PRDM16: variants seen among roughly 807,000 people sequenced by gnomAD.
PRDM16 encodes the protein PR/SET domain 16.
PRDM16 carries 23 observed loss-of-function variants against 110.6 expected under a neutral mutation model. The observed-to-expected ratio is 0.21, with a 90% confidence interval of 0.15 to 0.29. The LOEUF is 0.29. PRDM16 is among the 10% of genes least tolerant of loss of function. The pLI, the probability that PRDM16 is intolerant of heterozygous loss-of-function variation, is 1.00. For missense variants in PRDM16, 1,615 were observed against 1,794.3 expected (o/e 0.90, Z 1.81); for synonymous variants, 799 against 781.8 (o/e 1.02, Z -0.37).
rs1642237162 is a variant in PRDM16 at position 3,339,879 on chromosome 1, A to G, written c.439-45273A>G. ...TGCTAGGGCAGCCCAGCTCAGTCCC[A>G]TAGGAAGATGCGGTTCTGTGCAGCA... On this transcript the variant is annotated intron_variant, in intron 3 of 16. Transcript: ENST00000270722. The surrounding 1 kb of genome is among the most constrained non-coding windows in gnomAD (Gnocchi z 5.0). 3.3e-5 allele frequency among the ~76,000 whole-genome samples: 5 copies of G among 152,234 alleles called. No homozygotes were observed. Among genetic ancestry groups the G allele is most frequent in the Non-Finnish European group, 1.5e-5 (1 of 68,038 alleles).
intron 2 of PRDM16, among the ~76,000 whole-genome samples, chr1:3,222,891 G>A (rs1480508236): frequency 6.6e-6 from 1 of 152,176 alleles, no homozygotes; most frequent in Admixed American, 6.5e-5. Flanking sequence ...AAAGTGTGCA[G>A]TTTGCCCTCA....
At chr1:3,332,795 C>A (rs1642071572) in intron 3 of PRDM16, among the ~76,000 whole-genome samples, 1 of 152,074 alleles carries the variant, frequency 6.6e-6, no homozygotes, top group South Asian at 2.1e-4. Flanking sequence ...GCCCATCCCC[C>A]CAGGCCCTGG....
intron 3 of PRDM16, among the ~76,000 whole-genome samples, chr1:3,333,504 C>T (rs575545698): frequency 5.3e-5 from 8 of 152,302 alleles, no homozygotes; most frequent in Non-Finnish European, 1.0e-4. Context: ...GGAAAAGGGG[C>T]TTCAGACCTA....
chr1:3,120,840 C>G (rs965740863), intron 1 of PRDM16, among the ~76,000 whole-genome samples: 2 of 152,216 alleles, frequency 1.3e-5, no homozygotes, highest in African/African-American at 2.4e-5. Flanking sequence ...CAGAAAGAAC[C>G]ATTAGAAGCC....
rs1642678249 is a variant in PRDM16 at position 3,359,764 on chromosome 1, G to A, written c.439-25388G>A. 6.6e-6 allele frequency among the ~76,000 whole-genome samples: 1 copy of A among 152,196 alleles called. No homozygotes were observed. Among genetic ancestry groups the A allele is most frequent in the Admixed American group, 6.5e-5 (1 of 15,282 alleles). ...AACGCACTGGGTTGATCCCTCAGCGGCAGCCAGAAGGCAAGGCGGGAAAAA... is the reference window on the plus strand; with the variant it reads ...AACGCACTGGGTTGATCCCTCAGCGACAGCCAGAAGGCAAGGCGGGAAAAA... On this transcript the variant is annotated intron_variant, in intron 3 of 16. Coordinates refer to ENST00000270722, the MANE Select transcript of PRDM16 (RefSeq NM_022114.4). This position sits in a 1 kb window ranked among gnomAD's most constrained non-coding sequence, Gnocchi z 4.3.
intron 4 of PRDM16, among the ~76,000 whole-genome samples, chr1:3,393,295 C>T (rs991825669): frequency 2.0e-5 from 3 of 152,198 alleles, no homozygotes; most frequent in Non-Finnish European, 4.4e-5. Context: ...GTTCTTCTTC[C>T]TTTCCGGCGG....
intron 1 of PRDM16, among the ~76,000 whole-genome samples, chr1:3,128,584 G>A (rs1347625028): frequency 2.0e-5 from 3 of 152,166 alleles, no homozygotes; most frequent in East Asian, 3.9e-4. Flanking sequence ...ACTCTCACTC[G>A]GGAACCCAGA....
intron 1 of PRDM16, among the ~76,000 whole-genome samples, chr1:3,183,744 C>A (rs1236643262): frequency 6.6e-6 from 1 of 152,208 alleles, no homozygotes; most frequent in Non-Finnish European, 1.5e-5. Flanking sequence ...AGAATTCAAA[C>A]AGAAAAAAGC....
At chr1:3,085,519 G>A (rs1203226240) in intron 1 of PRDM16, among the ~76,000 whole-genome samples, 1 of 152,218 alleles carries the variant, frequency 6.6e-6, no homozygotes, top group East Asian at 1.9e-4. Flanking sequence ...GGCCAACTTG[G>A]ACTGAATCCT....
At chr1:3,083,183 C>T (rs1359943525) in intron 1 of PRDM16, among the ~76,000 whole-genome samples, 19 of 152,216 alleles carry the variant, frequency 1.2e-4, no homozygotes, top group Admixed American at 1.2e-3. Context: ...GATTAAACGT[C>T]TCGTCCGAGA....
chr1:3,219,758 C>G (rs1287038770), intron 2 of PRDM16, among the ~76,000 whole-genome samples: 1 of 152,202 alleles, frequency 6.6e-6, no homozygotes, highest in African/African-American at 2.4e-5. Context: ...TTTCAAGGCT[C>G]TGTAACCGCC....
intron 3 of PRDM16, among the ~76,000 whole-genome samples, chr1:3,304,911 T>C (rs1641279827): frequency 6.6e-6 from 1 of 152,142 alleles, no homozygotes; most frequent in Non-Finnish European, 1.5e-5. Context: ...TAGCCTGCCC[T>C]CCGCTGCCAC....
chr1:3,091,955 G>A (rs868657807), intron 1 of PRDM16, among the ~76,000 whole-genome samples: 17 of 152,344 alleles, frequency 1.1e-4, no homozygotes, highest in Middle Eastern at 3.4e-3. Context: ...CAATGGGACC[G>A]TGAGGACTGC....
rs377373775 is a variant in PRDM16 at position 3,080,124 on chromosome 1, G to A, written c.37+10828G>A. Among the ~76,000 whole-genome samples, 51 of 152,350 alleles carry A rather than the reference G, an allele frequency of 3.3e-4. No individual in the cohort carries two copies. The East Asian group carries it at 5.6e-3, about 17-fold the overall frequency. On this transcript the variant is annotated intron_variant, in intron 1 of 16. Transcript: ENST00000270722. This position sits in a 1 kb window ranked among gnomAD's most constrained non-coding sequence, Gnocchi z 5.2. ...CCCTGAGAAGAAACAAAGAGGAAAC[G>A]AGGCTGTTTAGATAATCCCGGGCCC...
At chr1:3,158,073 C>A (rs577083091) in intron 1 of PRDM16, among the ~76,000 whole-genome samples, 1 of 152,236 alleles carries the variant, frequency 6.6e-6, no homozygotes, top group South Asian at 2.1e-4. Context: ...CCTGTGCATG[C>A]ATCATATAGA....
chr1:3,222,513 G>A (rs1639177768), intron 2 of PRDM16, among the ~76,000 whole-genome samples: 1 of 152,248 alleles, frequency 6.6e-6, no homozygotes, highest in Admixed American at 6.5e-5. Context: ...GTCGGCTTCA[G>A]GAGGTGGAAC....
In PRDM16 at chr1:3,390,292, G is replaced by A. The variant is rs1001415071; in HGVS notation, c.573+5006G>A. ...CTGTCTAGTGGGGCTGAAGATGGCT[G>A]GGGACAGGGCTGAGGTCAAACACAA... is the stretch of plus-strand genomic sequence containing the variant. On this transcript the variant is annotated intron_variant, in intron 4 of 16. Coordinates refer to ENST00000270722, the MANE Select transcript of PRDM16 (RefSeq NM_022114.4). This position sits in a 1 kb window ranked among gnomAD's most constrained non-coding sequence, Gnocchi z 5.0. 6.6e-6 allele frequency among the ~76,000 whole-genome samples: 1 copy of A among 152,180 alleles called. No homozygotes were observed. The highest frequency in any genetic ancestry group is 1.5e-5 in the Non-Finnish European group (1 of 68,022).
In PRDM16 at chr1:3,244,128, C is replaced by T. The variant is rs150097149; in HGVS notation, c.429C>T (p.Cys143=). 222 of 1,613,870 alleles carry T rather than the reference C, an allele frequency of 1.4e-4. 1 individual carries two copies. In the African/African-American group the frequency reaches 2.7e-3, roughly 19 times the overall value. Residue 143 remains cysteine, a synonymous_variant, in exon 3 of 17, where the codon TGC becomes TGT. Transcript: ENST00000270722. This position sits in a 1 kb window ranked among gnomAD's most constrained non-coding sequence, Gnocchi z 4.1. Reference sequence around the variant, plus strand: ...TGGAAGTGTCGCCCCAGGAAGGCTGCATCACAAAGGTAGGAGAGCTCGCCC... The same window carrying T: ...TGGAAGTGTCGCCCCAGGAAGGCTGTATCACAAAGGTAGGAGAGCTCGCCC... ...TDVEVSPQEG[C]ITKISEDLGS...
At chr1:3,404,150 G>A (rs768278937) in intron 6 of PRDM16, among the ~76,000 whole-genome samples, 8 of 152,184 alleles carry the variant, frequency 5.3e-5, no homozygotes, top group Non-Finnish European at 8.8e-5. Context: ...GAAGATTAAC[G>A]GTCATCCCTG....
Sources: allele counts gnomAD v4.1 joint callset (sites outside exome capture counted in the v4.1 genomes callset), GRCh38; gene constraint gnomAD v4.1.1; non-coding constraint Gnocchi (gnomAD v3.1); transcripts MANE v1.5; gene names NCBI Gene and HGNC (gene_info 2026-07-23, HGNC 2026-07-21).